The following LRRC4C variants were observed in gnomAD, a reference collection of about 807,000 sequenced individuals.
The protein encoded by LRRC4C is leucine-rich repeat-containing protein 4C.
Under a neutral mutation model 33.6 loss-of-function variants are expected in LRRC4C, and 5 were observed. That is an observed-to-expected ratio of 0.15 (90% CI 0.08 to 0.31). The LOEUF (loss-of-function observed/expected upper bound fraction) is 0.31, where lower values mean the gene tolerates loss of function less well. LRRC4C is among the 10% of genes least tolerant of loss of function. LRRC4C has a pLI of 1.00. For synonymous variants in LRRC4C, 329 were observed against 302.0 expected, an observed-to-expected ratio of 1.09 and a Z score of -0.93; for missense variants, 560 against 796.7, an observed-to-expected ratio of 0.70 and a Z score of 3.58.
intron 3 of LRRC4C, among the ~76,000 whole-genome samples, chr11:40,344,259 A>G (rs1281605672): frequency 2.6e-5 from 4 of 152,138 alleles, no homozygotes; most frequent in African/African-American, 9.7e-5. Context: ...TCAACAAGAC[A>G]CTAGAAAACC....
intron 4 of LRRC4C, among the ~76,000 whole-genome samples, chr11:40,280,426 T>G (rs915008731): frequency 9.2e-5 from 14 of 152,200 alleles, no homozygotes; most frequent in Non-Finnish European, 1.8e-4. Context: ...AGGCAAAGAT[T>G]TCTTCTTAAC....
At chr11:40,160,419 T>C (rs1859060187) in intron 5 of LRRC4C, among the ~76,000 whole-genome samples, 1 of 152,158 alleles carries the variant, frequency 6.6e-6, no homozygotes, top group Non-Finnish European at 1.5e-5. Flanking sequence ...CTCAGAAGGC[T>C]GGTGTCTAAA....
intron 1 of LRRC4C, among the ~76,000 whole-genome samples, chr11:40,995,759 A>ACAGGC (rs1321995144): frequency 6.6e-6 from 1 of 152,168 alleles, no homozygotes; most frequent in African/African-American, 2.4e-5. Flanking sequence ...GCTTTCAAAA[A>ACAGGC]GCTTAGGAGG....
At chr11:40,358,817 G>T (rs903925868) in intron 3 of LRRC4C, among the ~76,000 whole-genome samples, 3 of 152,012 alleles carry the variant, frequency 2.0e-5, no homozygotes, top group Middle Eastern at 3.2e-3. Context: ...CATCCTTTGA[G>T]ACTTGGCCTT....
At chr11:40,198,668 G>T (rs1862464303) in intron 5 of LRRC4C, among the ~76,000 whole-genome samples, 1 of 152,150 alleles carries the variant, frequency 6.6e-6, no homozygotes, top group South Asian at 2.1e-4. Context: ...CGTGCCCATA[G>T]GCCTTTCTGG....
chr11:40,928,418 T>C (rs1957482730), intron 2 of LRRC4C, among the ~76,000 whole-genome samples: 1 of 151,936 alleles, frequency 6.6e-6, no homozygotes, highest in Non-Finnish European at 1.5e-5. Flanking sequence ...AAAAAATAAT[T>C]ATGCATCTTA....
chr11:41,417,149 A>C (rs1456302083), intron 1 of LRRC4C, among the ~76,000 whole-genome samples: 1 of 152,090 alleles, frequency 6.6e-6, no homozygotes, highest in Non-Finnish European at 1.5e-5. Context: ...TGCCATCAAT[A>C]CTATTGACTG....
At chr11:40,400,984 C>T (rs1019334579) in intron 3 of LRRC4C, among the ~76,000 whole-genome samples, 23 of 152,086 alleles carry the variant, frequency 1.5e-4, no homozygotes, top group Admixed American at 9.2e-4. Context: ...ATCACCATTA[C>T]TTAGCATAGA....
chr11:40,913,034 C>G (rs1315012378), intron 2 of LRRC4C, among the ~76,000 whole-genome samples: 1 of 152,160 alleles, frequency 6.6e-6, no homozygotes, highest in African/African-American at 2.4e-5. Flanking sequence ...CAAGAGCACT[C>G]AGATTCATAA....
At chr11:40,513,412 C>T (rs1365368121) in intron 3 of LRRC4C, among the ~76,000 whole-genome samples, 1 of 151,994 alleles carries the variant, frequency 6.6e-6, no homozygotes, top group Non-Finnish European at 1.5e-5. Context: ...CTACATTAGA[C>T]TAGGGAATGG....
At chr11:40,549,260 A>G (rs1957044730) in intron 3 of LRRC4C, among the ~76,000 whole-genome samples, 1 of 152,148 alleles carries the variant, frequency 6.6e-6, no homozygotes. Flanking sequence ...TAACTGGTTA[A>G]CTGGGCCTGA....
At position 41,029,900 on chromosome 11, in the gene LRRC4C, C is replaced by T. The variant is rs575668107; in HGVS notation, c.-495-96177G>A. ...GAAAACACAAGGAAGCCAACACAAG[C>T]CAAGGTATGTAGGAAGAAAGTGAGA... On this transcript the variant is annotated intron_variant, in intron 1 of 6. Coordinates refer to ENST00000528697, the MANE Select transcript of LRRC4C (RefSeq NM_001258419.2). 2.2e-4 allele frequency among the ~76,000 whole-genome samples: 33 copies of T among 151,724 alleles called. 1 individual carries two copies. The South Asian group carries it at 3.5e-3, about 16-fold the overall frequency.
intron 1 of LRRC4C, among the ~76,000 whole-genome samples, chr11:40,976,963 C>T (rs1852130189): frequency 6.6e-6 from 1 of 152,042 alleles, no homozygotes; most frequent in East Asian, 1.9e-4. Context: ...TTATACAACT[C>T]ATCGTAATAT....
At chr11:40,411,611 T>C (rs1000959097) in intron 3 of LRRC4C, among the ~76,000 whole-genome samples, 1 of 152,046 alleles carries the variant, frequency 6.6e-6, no homozygotes, top group Non-Finnish European at 1.5e-5. Flanking sequence ...ATACAAAATG[T>C]GTATAAATTA....
At chr11:40,121,378 T>C (rs1357872977) in intron 6 of LRRC4C, among the ~76,000 whole-genome samples, 1 of 152,230 alleles carries the variant, frequency 6.6e-6, no homozygotes, top group Non-Finnish European at 1.5e-5. Context: ...CAGTGAATAA[T>C]GCTTGGTACA....
At chr11:40,505,761 T>G (rs1955002758) in intron 3 of LRRC4C, among the ~76,000 whole-genome samples, 1 of 152,136 alleles carries the variant, frequency 6.6e-6, no homozygotes, top group African/African-American at 2.4e-5. Context: ...AGTTATTATT[T>G]CAAAGAGGAA....
chr11:41,321,917 T>C (rs1402679334), intron 1 of LRRC4C, among the ~76,000 whole-genome samples: 1 of 151,934 alleles, frequency 6.6e-6, no homozygotes, highest in African/African-American at 2.4e-5. Context: ...TGGGCTGGAG[T>C]GCAATGGCGT....
intron 2 of LRRC4C, among the ~76,000 whole-genome samples, chr11:40,733,168 C>T (rs1332186809): frequency 2.2e-5 from 3 of 137,404 alleles, no homozygotes; most frequent in Non-Finnish European, 3.0e-5. Flanking sequence ...CTCCGCCTCC[C>T]GGGTTCACGC....
chr11:40,269,158 A>G (rs61911096), intron 4 of LRRC4C, among the ~76,000 whole-genome samples: 314 of 152,284 alleles, frequency 2.1e-3, no homozygotes, highest in South Asian at 3.9e-3. Flanking sequence ...TGTACTCCTC[A>G]TGCTACAAAC....
Sources: allele counts gnomAD v4.1 joint callset (sites outside exome capture counted in the v4.1 genomes callset), GRCh38; gene constraint gnomAD v4.1.1; transcripts MANE v1.5; gene names NCBI Gene and HGNC (gene_info 2026-07-23, HGNC 2026-07-21).